Variants in ZNF75A observed in about 807,000 individuals in gnomAD.
ZNF75A encodes the protein zinc finger protein 75A.
Under a neutral mutation model 46.3 loss-of-function variants are expected in ZNF75A, and 36 were observed. That is an observed-to-expected ratio of 0.78 (90% confidence interval 0.60 to 1.03). ZNF75A has a LOEUF of 1.03. Among genes scored for constraint, ZNF75A ranks in the 50% least tolerant of loss-of-function variants. The pLI is 0.00. For synonymous variants in ZNF75A, 234 were observed against 189.9 expected (o/e 1.23, Z -1.91); for missense variants, 595 against 551.3 (o/e 1.08, Z -0.79).
chr16:3,312,819 A>G (rs1388147247), intron 4 of ZNF75A, 51 bp downstream of exon 4: 1 of 1,186,730 alleles, frequency 8.4e-7, no homozygotes, highest in South Asian at 2.0e-5. Context: ...GCTATGTATG[A>G]TTAATACTGT....
At chr16:3,312,355 C>T (rs1960873457) in intron 3 of ZNF75A, 1 of 152,184 alleles carries the variant, frequency 6.6e-6, no homozygotes, top group African/African-American at 2.4e-5. Flanking sequence ...AAAACTTCAT[C>T]TCCTACCATA....
At chr16:3,311,627 C>CT (rs1212324373) in intron 2 of ZNF75A, 126 bp from the exon 3 acceptor site, 3 of 299,608 alleles carry the variant, frequency 1.0e-5, no homozygotes, top group Non-Finnish European at 1.5e-5. Flanking sequence ...CTCTTTAAGC[C>CT]TTTTTTTGTC....
At chr16:3,323,077 T>C, downstream of ZNF75A, 1 of 546,454 alleles carries the variant, frequency 1.8e-6, no homozygotes, top group Non-Finnish European at 2.8e-6. Flanking sequence ...TTTTTGAAGA[T>C]AAAGCAGGAA....
chr16:3,317,426 C>G lies in ZNF75A; in HGVS notation c.1171C>G (p.Arg391Gly). Residue 391 changes from arginine (R) to glycine (G), a missense_variant, in exon 7 of 7, where the codon CGT becomes GGT. Transcript: ENST00000669516. ...WKQELLKLMD[R>G]HKKDCAREKP... Reference sequence around the variant, plus strand: ...ACAAGAGCTGCTCAAACTTATGGATCGTCACAAGAAAGATTGTGCAAGAGA... The same window carrying G: ...ACAAGAGCTGCTCAAACTTATGGATGGTCACAAGAAAGATTGTGCAAGAGA... 1 of 1,614,096 alleles carries G rather than the reference C, an allele frequency of 6.2e-7. No individual in the cohort carries two copies. Among genetic ancestry groups the G allele is most frequent in the Non-Finnish European group, 8.5e-7 (1 of 1,180,018 alleles).
chr16:3,310,865 G>T, intron 2 of ZNF75A: 1 of 985,482 alleles, frequency 1.0e-6, no homozygotes, highest in Non-Finnish European at 1.2e-6. Flanking sequence ...GAACTTGGTG[G>T]GTGGCGACAC....
At chr16:3,319,797 A>ATTTTTTTTTTTTAT (rs550277242), downstream of ZNF75A, among the ~76,000 whole-genome samples, 1 of 133,350 alleles carries the variant, frequency 7.5e-6, no homozygotes, top group Non-Finnish European at 1.6e-5. Flanking sequence ...TTTTTTTTTT[A>ATTTTTTTTTTTTAT]TTTTTTTTTT....
At chr16:3,311,304 G>A (rs1960769850) in intron 2 of ZNF75A, among the ~76,000 whole-genome samples, 1 of 152,082 alleles carries the variant, frequency 6.6e-6, no homozygotes, top group Non-Finnish European at 1.5e-5. Flanking sequence ...CAGGCGTGGT[G>A]GTGCATACCT....
intron 2 of ZNF75A, chr16:3,311,005 G>A (rs1210148983): frequency 3.9e-5 from 36 of 926,928 alleles, no homozygotes; most frequent in Non-Finnish European, 4.5e-5. Flanking sequence ...GAAAACCTTC[G>A]CTGGCTATAG....
At chr16:3,306,953 T>C (rs965192491) in intron 1 of ZNF75A, 11 of 131,286 alleles carry the variant, frequency 8.4e-5, no homozygotes, top group Non-Finnish European at 3.1e-5. Context: ...TTTAAATAAC[T>C]TTTTTTTTTT....
At chr16:3,323,371 C>T, downstream of ZNF75A, 1 of 1,034,694 alleles carries the variant, frequency 9.7e-7, no homozygotes, top group Non-Finnish European at 1.5e-6. Context: ...TGAGGTCTTC[C>T]AAGCAAATGA....
At chr16:3,321,547 C>T (rs1446769810), downstream of ZNF75A, among the ~76,000 whole-genome samples, 1 of 152,154 alleles carries the variant, frequency 6.6e-6, no homozygotes, top group Non-Finnish European at 1.5e-5. Context: ...CTCACCACAG[C>T]CTCGATCTCC....
At chr16:3,315,231 G>T (rs564334521) in intron 5 of ZNF75A, 11 of 329,864 alleles carry the variant, frequency 3.3e-5, no homozygotes, top group Admixed American at 8.1e-5. Flanking sequence ...TCGCTCTGTC[G>T]CCCAGGCTGG....
In ZNF75A at chr16:3,315,112, C is replaced by T. The variant is rs977119208; in HGVS notation, c.824-1800C>T. 6.1e-6 allele frequency: 6 copies of T among 984,500 alleles called. No homozygotes were observed. The African/African-American group carries it at 1.1e-4, about 17-fold the overall frequency. The allele number at this position is 984,500 out of a possible 1,614,324, so 61.0% of individuals were successfully genotyped here. On this transcript the variant is annotated intron_variant, in intron 5 of 6. Coordinates refer to ENST00000669516, the MANE Select transcript of ZNF75A (RefSeq NM_001302109.2). ...TTCCCTTTCCCTTTCCCCAAACCTT[C>T]TCCATCATGTTTTTCCCATCTCAGT...
downstream of ZNF75A, among the ~76,000 whole-genome samples, chr16:3,320,660 G>C (rs756367079): frequency 1.4e-4 from 21 of 152,170 alleles, no homozygotes; most frequent in Non-Finnish European, 2.1e-4. Context: ...CCTGCGCGTT[G>C]CCTCATGCAC....
chr16:3,315,484 C>T (rs998828390), intron 5 of ZNF75A, among the ~76,000 whole-genome samples: 5 of 152,134 alleles, frequency 3.3e-5, no homozygotes, highest in African/African-American at 7.2e-5. Flanking sequence ...CGTGAGCCAC[C>T]GTGCCCAGCT....
rs1960899933 is a variant in ZNF75A, at chr16:3,312,667, C to A, written c.605-10C>A. On this transcript the variant is annotated splice_polypyrimidine_tract_variant and intron_variant, in intron 3 of 6. Transcript: ENST00000669516. ...AAAAGAGATTTCTTCTGGCTCTTTT[C>A]CCCCCACAGCTGTGCCTACTCAACA... The A allele has an allele frequency of 5.0e-6, 5 of 994,260 alleles. No individual in the cohort carries two copies. Among genetic ancestry groups the A allele is most frequent in the Admixed American group, 5.4e-5 (1 of 18,490 alleles). The allele number at this position is 994,260 out of a possible 1,614,324, so 61.6% of individuals were successfully genotyped here.
chr16:3,314,950 G>A, intron 5 of ZNF75A: 1 of 985,304 alleles, frequency 1.0e-6, no homozygotes, highest in South Asian at 4.7e-5. Flanking sequence ...TCTGTGAGAG[G>A]GTCTCAGTGT....
At chr16:3,321,815 CAAAGT>C (rs1450397238), downstream of ZNF75A, among the ~76,000 whole-genome samples, 2 of 152,140 alleles carry the variant, frequency 1.3e-5, no homozygotes, top group Non-Finnish European at 2.9e-5. Context: ...GGCTTAGAAT[CAAAGT>C]AAATCTCAAA....
In ZNF75A at chr16:3,311,897, G is replaced by A. The variant is rs1960830544; in HGVS notation, c.553G>A (p.Glu185Lys). ...TTGGAATACATACGAGGGTCTGCAA[G>A]AACAGCTCAGCAGGAATACTCATAA... ...EFWNTYEGLQ[E>K]QLSRNTHKET... Residue 185 changes from glutamate (E) to lysine (K), a missense_variant, in exon 3 of 7, where the codon GAA becomes AAA. Coordinates refer to ENST00000669516, the MANE Select transcript of ZNF75A (RefSeq NM_001302109.2). The A allele has an allele frequency of 2.0e-6, 2 of 994,598 alleles. No homozygotes were observed. 61.6% of individuals were successfully genotyped at this position (994,598 alleles called of 1,614,324 possible). A position where few individuals can be genotyped will look rare whatever the true frequency, so the allele number is the denominator to read the frequency against.
Sources: gnomAD v4.1 joint callset for allele counts (sites outside exome capture counted in the v4.1 genomes callset) on GRCh38, gnomAD v4.1.1 for gene constraint, MANE v1.5 for transcripts, NCBI Gene and HGNC (gene_info 2026-07-23, HGNC 2026-07-21) for gene names.